VWA3A: variants seen among roughly 807,000 people sequenced by gnomAD.
VWA3A encodes the protein von Willebrand factor A domain containing 3A.
In VWA3A, 134 loss-of-function variants were observed where a neutral mutation model predicts 160.4. That is an observed-to-expected ratio of 0.84 (90% CI 0.73 to 0.96). VWA3A has a LOEUF of 0.96. Among genes scored for constraint, VWA3A ranks in the 40% least tolerant of loss-of-function variants. VWA3A has a pLI of 0.00. For missense variants in VWA3A, 1,310 were observed against 1,447.9 expected (o/e 0.90, Z 1.55); for synonymous variants, 476 against 543.4 (o/e 0.88, Z 1.72).
intron 11 of VWA3A, among the ~76,000 whole-genome samples, chr16:22,117,449 T>G (rs1365675718): frequency 6.6e-6 from 1 of 152,192 alleles, no homozygotes; most frequent in Non-Finnish European, 1.5e-5. Flanking sequence ...TTTAAAGCCC[T>G]GCCTGCAGAA....
intron 16 of VWA3A, 132 bp downstream of exon 16, chr16:22,123,839 G>C: frequency 1.2e-6 from 1 of 814,560 alleles, no homozygotes; most frequent in East Asian, 2.7e-5. Flanking sequence ...TCTCTCAGCA[G>C]AACCCCCAGA....
chr16:22,124,009 T>C (rs2045794957), intron 16 of VWA3A, among the ~76,000 whole-genome samples: 1 of 151,752 alleles, frequency 6.6e-6, no homozygotes, highest in Non-Finnish European at 1.5e-5. Context: ...ACCCTGTCTC[T>C]ACAAAAAATA....
Position 22,113,342 on chromosome 16 carries a change from C to CCA in VWA3A, c.690-2002_690-2001dup, listed in dbSNP as rs2045579514. The stretch of plus-strand genomic sequence containing the variant: ...AAATAGCTGAGATTACAGGTGTGCT[C>CCA]CACAATGCCTGGCTAATTTTCTTTT... On this transcript the variant is annotated intron_variant, in intron 8 of 33. Coordinates refer to ENST00000389398, the MANE Select transcript of VWA3A (RefSeq NM_173615.5). Among the ~76,000 whole-genome samples, 5 of 143,036 alleles carry CCA rather than the reference C, an allele frequency of 3.5e-5. No homozygotes were observed. The South Asian group carries it at 1.1e-3, about 33-fold the overall frequency. The allele number at this position is 143,036 out of a possible 152,430, so 93.8% of individuals were successfully genotyped here. A position where few individuals can be genotyped will look rare whatever the true frequency, so the allele number is the denominator to read the frequency against.
chr16:22,118,831 GC>G, intron 11 of VWA3A, 70 bp from the exon 12 acceptor site: 2 of 1,592,434 alleles, frequency 1.3e-6, no homozygotes, highest in South Asian at 2.3e-5. Context: ...CTGGCTGCTT[GC>G]CCCTTCCTGG....
intron 16 of VWA3A, among the ~76,000 whole-genome samples, chr16:22,124,742 G>A (rs1465766653): frequency 1.3e-5 from 2 of 151,856 alleles, no homozygotes; most frequent in African/African-American, 4.8e-5. Flanking sequence ...CCTATGATGA[G>A]TCTTACAAGT....
intron 8 of VWA3A, among the ~76,000 whole-genome samples, chr16:22,114,874 C>T (rs2045608069): frequency 6.6e-6 from 1 of 151,544 alleles, no homozygotes; most frequent in Non-Finnish European, 1.5e-5. Context: ...GGCACAATCT[C>T]AGCTCACTGC....
At chr16:22,142,542 A>T in intron 24 of VWA3A, 126 bp from the exon 25 acceptor site, 2 of 674,484 alleles carry the variant, frequency 3.0e-6, no homozygotes, top group Non-Finnish European at 5.2e-6. Context: ...TTCATGAGGG[A>T]TCCGTTCCCA....
intron 24 of VWA3A, among the ~76,000 whole-genome samples, 177 bp downstream of exon 24, chr16:22,141,869 G>A (rs2046156879): frequency 6.6e-6 from 1 of 152,180 alleles, no homozygotes; most frequent in Admixed American, 6.5e-5. Flanking sequence ...GACATGCAAA[G>A]TTTTGACAAC....
intron 31 of VWA3A, 62 bp downstream of exon 31, chr16:22,152,696 C>T: frequency 6.5e-7 from 1 of 1,547,976 alleles, no homozygotes; most frequent in South Asian, 1.2e-5. Flanking sequence ...TATCAACAGG[C>T]ATGGGGTTTT....
chr16:22,123,424 C>G (rs1303396583), intron 15 of VWA3A, 189 bp from the exon 16 acceptor site: 2 of 1,521,252 alleles, frequency 1.3e-6, no homozygotes, highest in Non-Finnish European at 8.8e-7. Context: ...AATGAAATAC[C>G]GTGTGACTCT....
At chr16:22,109,189 C>A (rs1023093770) in intron 6 of VWA3A, among the ~76,000 whole-genome samples, 1 of 152,166 alleles carries the variant, frequency 6.6e-6, no homozygotes, top group African/African-American at 2.4e-5. Context: ...GGGTGCTTTT[C>A]TATAGTCTCC....
intron 26 of VWA3A, among the ~76,000 whole-genome samples, chr16:22,145,563 C>T (rs754163252): frequency 2.0e-5 from 3 of 150,950 alleles, no homozygotes; most frequent in African/African-American, 4.9e-5. Context: ...CGCTTGAACC[C>T]GGGAGGCAGA....
Position 22,141,651 on chromosome 16 carries a change from C to T in VWA3A, c.2453C>T (p.Thr818Ile). Residue 818 changes from threonine to isoleucine, a missense_variant, in exon 24 of 34, where the codon ACA becomes ATA. Physicochemically the swap from Thr to Ile is moderately conservative, Grantham distance 89 (BLOSUM62 -1). Coordinates refer to ENST00000389398, the MANE Select transcript of VWA3A (RefSeq NM_173615.5). ...AAGACCAAGTCAAGGGAAGCAGAGACATCTCTTTTACTGTTCTACACAGAG... is the reference window on the plus strand; with the variant it reads ...AAGACCAAGTCAAGGGAAGCAGAGATATCTCTTTTACTGTTCTACACAGAG... The part of the protein sequence containing the change: ...RRKTKSREAE[T>I]SLLLFYTEKG... The T allele has an allele frequency of 1.2e-6, 2 of 1,612,264 alleles. No individual in the cohort carries two copies. Among genetic ancestry groups the T allele is most frequent in the Non-Finnish European group, 1.7e-6 (2 of 1,179,262 alleles).
chr16:22,148,133 C>G, intron 27 of VWA3A, 29 bp from the exon 28 acceptor site: 22 of 1,573,126 alleles, frequency 1.4e-5, no homozygotes, highest in Non-Finnish European at 1.8e-5. Flanking sequence ...CACTCCCTCC[C>G]TGCCTCTTCC....
rs371056318 is a variant in VWA3A, at chr16:22,155,570, C to T, written c.3409C>T (p.Pro1137Ser). Residue 1137 changes from proline to serine, a missense_variant, in exon 32 of 34, where the codon CCC becomes TCC. Transcript: ENST00000389398. ...ACACTCATTTCCTCTTTTCAAGGAT[C>T]CCACATTGCCACCATTTGAAGGAGA... ...LTKGFINEKD[P>S]TLPPFEGDDL... The T allele has an allele frequency of 6.2e-7, 1 of 1,613,826 alleles. No individual in the cohort carries two copies. Among genetic ancestry groups the T allele is most frequent in the Non-Finnish European group, 8.5e-7 (1 of 1,179,762 alleles).
chr16:22,138,672 A>T, intron 22 of VWA3A, 160 bp downstream of exon 22: 1 of 932,392 alleles, frequency 1.1e-6, no homozygotes. Flanking sequence ...CAGGGGGAAA[A>T]TCTCCCGCGG....
intron 29 of VWA3A, 135 bp downstream of exon 29, chr16:22,150,066 A>C: frequency 7.9e-7 from 1 of 1,263,424 alleles, no homozygotes; most frequent in Non-Finnish European, 1.1e-6. Flanking sequence ...CATCTTCCCA[A>C]CACCCGAGTG....
In VWA3A at chr16:22,103,528, A is replaced by T; in HGVS notation, c.482A>T (p.Lys161Met). Residue 161 changes from lysine to methionine, a missense_variant and splice_region_variant, in exon 6 of 34, where the codon AAG becomes ATG. Physicochemically the swap from Lys to Met is moderately conservative, Grantham distance 95. Coordinates refer to ENST00000389398, the MANE Select transcript of VWA3A (RefSeq NM_173615.5). ...RIQWLTENSK[K>M]AFGLIKGARV... The stretch of plus-strand genomic sequence containing the variant: ...CAGTGGCTCACAGAAAACAGCAAGA[A>T]GGTAACGGGCATAGATTTCATTCTT... The T allele has an allele frequency of 1.3e-6, 2 of 1,551,832 alleles. No homozygotes were observed. Among genetic ancestry groups the T allele is most frequent in the Non-Finnish European group, 1.7e-6 (2 of 1,146,982 alleles).
intron 29 of VWA3A, among the ~76,000 whole-genome samples, chr16:22,150,459 G>GT (rs1362181581): frequency 2.0e-5 from 3 of 152,288 alleles, no homozygotes; most frequent in African/African-American, 7.2e-5. Context: ...GAGGTTAAGT[G>GT]ACTTGCTTGG....
Sources: gnomAD v4.1 joint callset for allele counts (sites outside exome capture counted in the v4.1 genomes callset) on GRCh38, gnomAD v4.1.1 for gene constraint, MANE v1.5 for transcripts, NCBI Gene and HGNC (gene_info 2026-07-23, HGNC 2026-07-21) for gene names.